THRB: variants seen among roughly 807,000 people sequenced by gnomAD.
The protein encoded by THRB is nuclear receptor subfamily 1 group A member 2.
In THRB, 12 loss-of-function variants were observed where a neutral mutation model predicts 47.8. The ratio of observed to expected loss-of-function variants is 0.25; its 90% CI spans 0.16 to 0.41. The LOEUF (loss-of-function observed/expected upper bound fraction) is 0.41. THRB is among the 10% of genes least tolerant of loss of function. THRB has a pLI of 1.00. For synonymous variants in THRB, 218 were observed against 212.2 expected (o/e 1.03, Z -0.24); for missense variants, 348 against 589.2 (o/e 0.59, Z 4.24).
At chr3:24,486,610 C>T (rs1019552137) in intron 1 of THRB, 1 of 152,194 alleles carries the variant, frequency 6.6e-6, no homozygotes, top group South Asian at 2.1e-4. Flanking sequence ...TGTTTATGAA[C>T]CCATAGAGTG....
chr3:24,230,107 A>T (rs1325013445), intron 3 of THRB, among the ~76,000 whole-genome samples: 1 of 152,206 alleles, frequency 6.6e-6, no homozygotes, highest in Non-Finnish European at 1.5e-5. Context: ...TTGGAGAAGA[A>T]AAAGAACGAG....
intron 3 of THRB, among the ~76,000 whole-genome samples, chr3:24,280,708 A>G (rs1478703444): frequency 1.3e-5 from 2 of 152,132 alleles, no homozygotes; most frequent in Non-Finnish European, 2.9e-5. Context: ...AGAAGAATGT[A>G]TAACTAGAAT....
intron 6 of THRB, 41 bp downstream of exon 6, chr3:24,152,349 A>G: frequency 9.3e-7 from 1 of 1,070,622 alleles, no homozygotes; most frequent in South Asian, 1.2e-5. Flanking sequence ...AGGGGACTGG[A>G]GCTGGGCTAA....
chr3:24,123,088 C>T lies in THRB; in HGVS notation c.1182G>A (p.Lys394=), dbSNP rs1328706610. Residue 394 remains lysine, a synonymous_variant, in exon 11 of 11, where the codon AAG becomes AAA. Coordinates refer to ENST00000646209, the MANE Select transcript of THRB (RefSeq NM_001354712.2). The part of the protein sequence containing the change: ...PGLACVERIE[K]YQDSFLLAFE... The stretch of plus-strand genomic sequence containing the variant: ...AGGCCAGCAGGAAACTATCTTGGTA[C>T]TTTTCTATTCTCTCAACACAGGCAA... 5 of 1,614,156 alleles carry T rather than the reference C, an allele frequency of 3.1e-6. No homozygotes were observed. Among genetic ancestry groups the T allele is most frequent in the Non-Finnish European group, 4.2e-6 (5 of 1,180,030 alleles).
At chr3:24,480,255 T>G (rs1167628984) in intron 1 of THRB, among the ~76,000 whole-genome samples, 1 of 152,222 alleles carries the variant, frequency 6.6e-6, no homozygotes. Context: ...GGAAAGCACA[T>G]GATCCTCAGG....
chr3:24,485,373 G>C (rs938087380), intron 1 of THRB, among the ~76,000 whole-genome samples: 1 of 152,126 alleles, frequency 6.6e-6, no homozygotes, highest in East Asian at 1.9e-4. Flanking sequence ...GAAAAATTTT[G>C]CCACATCTCG....
intron 1 of THRB, among the ~76,000 whole-genome samples, chr3:24,462,694 G>A (rs1187295765): frequency 6.6e-6 from 1 of 152,162 alleles, no homozygotes; most frequent in Non-Finnish European, 1.5e-5. Flanking sequence ...ATACAGAGGG[G>A]AGAAAATTCT....
intron 8 of THRB, among the ~76,000 whole-genome samples, chr3:24,135,738 C>T (rs1455694504): frequency 2.0e-5 from 3 of 150,952 alleles, no homozygotes; most frequent in Non-Finnish European, 2.9e-5. Flanking sequence ...GCTCATCTCA[C>T]TGACCTTGTC....
chr3:24,240,071 C>T (rs1164804633), intron 3 of THRB, among the ~76,000 whole-genome samples: 1 of 152,160 alleles, frequency 6.6e-6, no homozygotes, highest in Non-Finnish European at 1.5e-5. Context: ...TGCTCTGGTA[C>T]AGATTTTGGG....
chr3:24,201,179 T>G (rs2044548020), intron 4 of THRB, among the ~76,000 whole-genome samples: 1 of 152,154 alleles, frequency 6.6e-6, no homozygotes, highest in South Asian at 2.1e-4. Context: ...TTTGACTGTC[T>G]TTTCCATATC....
At chr3:24,388,944 A>C (rs1194698562) in intron 1 of THRB, among the ~76,000 whole-genome samples, 2 of 152,180 alleles carry the variant, frequency 1.3e-5, no homozygotes, top group Admixed American at 1.3e-4. Flanking sequence ...TGGACATAGC[A>C]GCTGTTCTAA....
chr3:24,353,272 A>G (rs1428774185), intron 1 of THRB, among the ~76,000 whole-genome samples: 3 of 152,078 alleles, frequency 2.0e-5, no homozygotes, highest in Non-Finnish European at 4.4e-5. Flanking sequence ...AAAGGTTTAG[A>G]TAGCCTACAC....
At chr3:24,241,820 A>C (rs1223700474) in intron 3 of THRB, among the ~76,000 whole-genome samples, 1 of 152,112 alleles carries the variant, frequency 6.6e-6, no homozygotes, top group Non-Finnish European at 1.5e-5. Flanking sequence ...AGACCTAATG[A>C]GTTATAAACT....
chr3:24,129,706 A>G lies in THRB; in HGVS notation c.886-1949T>C, dbSNP rs187266381. 1.2e-4 allele frequency among the ~76,000 whole-genome samples: 19 copies of G among 152,350 alleles called. No individual in the cohort carries two copies. In the East Asian group the frequency reaches 3.7e-3, roughly 29 times the overall value. ...TGCTTTCATTGTGAGAACACTCAAC[A>G]AGGGCCTGACAGGCAGAGATGCAGG... On this transcript the variant is annotated intron_variant, in intron 9 of 10. Transcript: ENST00000646209.
In THRB at chr3:24,190,162, G is replaced by A. The variant is rs2043152808; in HGVS notation, c.195C>T (p.Ser65=). Residue 65 remains serine, a synonymous_variant, in exon 5 of 11, where the codon AGC becomes AGT. Coordinates refer to ENST00000646209, the MANE Select transcript of THRB (RefSeq NM_001354712.2). ...SPHLIQTTWT[S]SIFHLDHDDV... The stretch of plus-strand genomic sequence containing the variant: ...CATCATGGTCCAGATGGAATATTGA[G>A]CTAGTCCAAGTGGTCTGGATGAGAT... The A allele has an allele frequency of 1.9e-6, 3 of 1,614,094 alleles. No individual in the cohort carries two copies. The highest frequency in any genetic ancestry group is 2.2e-5 in the South Asian group (2 of 91,082).
intron 1 of THRB, among the ~76,000 whole-genome samples, chr3:24,376,735 C>T: frequency 6.6e-6 from 1 of 152,122 alleles, no homozygotes. Context: ...ACCAGGCCTC[C>T]ACTATTTCCA....
In THRB at chr3:24,130,463, C is replaced by T. The variant is rs138366190; in HGVS notation, c.886-2706G>A. On this transcript the variant is annotated intron_variant, in intron 9 of 10. Coordinates refer to ENST00000646209, the MANE Select transcript of THRB (RefSeq NM_001354712.2). ...AAAACCATCTCAGGGGCTGGGGGGG[C>T]GGTGGCATTCAAAGGGTACCATATG... Among the ~76,000 whole-genome samples, 199 of 152,048 alleles carry T rather than the reference C, an allele frequency of 1.3e-3. No homozygotes were observed. The East Asian group carries it at 0.025, about 19-fold the overall frequency.
chr3:24,478,209 G>T (rs1695782189), intron 1 of THRB, among the ~76,000 whole-genome samples: 1 of 152,114 alleles, frequency 6.6e-6, no homozygotes, highest in African/African-American at 2.4e-5. Flanking sequence ...TCAGTCTCCA[G>T]ATTTTGGAGT....
chr3:24,455,612 T>C (rs2073097520), intron 1 of THRB, among the ~76,000 whole-genome samples: 2 of 152,218 alleles, frequency 1.3e-5, no homozygotes, highest in Admixed American at 1.3e-4. Context: ...AGATAAGCAT[T>C]TGACCTCAAA....
Sources: gnomAD v4.1 joint callset for allele counts (sites outside exome capture counted in the v4.1 genomes callset) on GRCh38, gnomAD v4.1.1 for gene constraint, MANE v1.5 for transcripts, NCBI Gene and HGNC (gene_info 2026-07-23, HGNC 2026-07-21) for gene names.